Variants in LEKR1 observed in about 807,000 individuals in gnomAD.
LEKR1 encodes the protein leucine, glutamate and lysine rich 1.
In LEKR1, 59 loss-of-function variants were observed where a neutral mutation model predicts 72.4. That is an observed-to-expected ratio of 0.82 (90% CI 0.66 to 1.01). The LOEUF (loss-of-function observed/expected upper bound fraction) is 1.01. LEKR1 is among the 50% of genes least tolerant of loss of function. LEKR1 has a pLI of 0.00. For missense variants in LEKR1, 728 were observed against 759.2 expected (o/e 0.96, Z 0.48); for synonymous variants, 257 against 263.2 (o/e 0.98, Z 0.23).
chr3:156,970,387 G>A (rs575087120), intron 6 of LEKR1, among the ~76,000 whole-genome samples: 2 of 152,148 alleles, frequency 1.3e-5, no homozygotes, highest in African/African-American at 4.8e-5. Context: ...TGGTGTTTTG[G>A]ACATGAAGTC....
At chr3:156,964,745 T>A (rs975875557) in intron 6 of LEKR1, among the ~76,000 whole-genome samples, 1 of 152,196 alleles carries the variant, frequency 6.6e-6, no homozygotes, top group Non-Finnish European at 1.5e-5. Context: ...TAGCCCTGCG[T>A]ACAGGAATCT....
chr3:156,958,076 G>T (rs1172939199), intron 6 of LEKR1, among the ~76,000 whole-genome samples: 19 of 152,138 alleles, frequency 1.2e-4, no homozygotes, highest in Non-Finnish European at 4.4e-5. Context: ...GAAGTGGACA[G>T]GATTATTAGC....
At chr3:156,963,886 A>G (rs188282061) in intron 6 of LEKR1, among the ~76,000 whole-genome samples, 1 of 152,304 alleles carries the variant, frequency 6.6e-6, no homozygotes, top group East Asian at 1.9e-4. Flanking sequence ...ATACATTGTT[A>G]TCATTAATGT....
intron 9 of LEKR1, among the ~76,000 whole-genome samples, chr3:157,007,227 T>C (rs1436700705): frequency 2.6e-5 from 4 of 151,566 alleles, no homozygotes; most frequent in African/African-American, 4.9e-5. Context: ...AATAAATAAA[T>C]AAACAAACAA....
chr3:156,849,928 A>T (rs1418582199), intron 2 of LEKR1, among the ~76,000 whole-genome samples: 1 of 152,236 alleles, frequency 6.6e-6, no homozygotes, highest in East Asian at 1.9e-4. Flanking sequence ...TAAACTAAAG[A>T]TCTTCTGCAC....
At chr3:157,009,758 T>C (rs1264747570) in intron 9 of LEKR1, among the ~76,000 whole-genome samples, 1 of 152,102 alleles carries the variant, frequency 6.6e-6, no homozygotes, top group Non-Finnish European at 1.5e-5. Context: ...ATTCTACCAC[T>C]AAGGTGTGGA....
At chr3:156,889,661 A>C (rs765964255) in intron 3 of LEKR1, among the ~76,000 whole-genome samples, 1 of 152,194 alleles carries the variant, frequency 6.6e-6, no homozygotes, top group Non-Finnish European at 1.5e-5. Flanking sequence ...ATATGTGTAA[A>C]GTTAATCTCC....
At position 156,934,683 on chromosome 3, in the gene LEKR1, T is replaced by C. The variant is rs569152216; in HGVS notation, c.559+7079T>C. Among the ~76,000 whole-genome samples the C allele has an allele frequency of 3.3e-5, 5 of 152,130 alleles. No individual in the cohort carries two copies. The South Asian group carries it at 1.0e-3, about 32-fold the overall frequency. ...ATAAAACAACCTCAATATAAAAACA[T>C]AGAAAATACAGAAAAGGGGCAAAAA... On this transcript the variant is annotated intron_variant, in intron 5 of 12. Transcript: ENST00000356539.
At chr3:156,998,262 C>T (rs1871969) in intron 9 of LEKR1, among the ~76,000 whole-genome samples, 2,852 of 151,986 alleles carry the variant, frequency 0.019, 68 homozygotes, top group East Asian at 0.1. Context: ...TAATTCCATC[C>T]TTAGGGAAAA....
intron 7 of LEKR1, among the ~76,000 whole-genome samples, chr3:156,989,761 G>C (rs986658641): frequency 6.6e-6 from 1 of 151,742 alleles, no homozygotes; most frequent in African/African-American, 2.4e-5. Context: ...TAACTCATTT[G>C]CTTTCTCTCT....
chr3:156,935,597 A>G (rs1282084130), intron 5 of LEKR1, among the ~76,000 whole-genome samples: 1 of 152,174 alleles, frequency 6.6e-6, no homozygotes, highest in African/African-American at 2.4e-5. Flanking sequence ...TTAAGTATAG[A>G]AAAAAATAAA....
chr3:157,020,693 G>C (rs1035286705), intron 10 of LEKR1, among the ~76,000 whole-genome samples: 13 of 151,904 alleles, frequency 8.6e-5, no homozygotes, highest in African/African-American at 3.1e-4. Flanking sequence ...GGACATTTGG[G>C]TTGGTTCCAT....
chr3:156,868,755 A>G (rs6765353), intron 3 of LEKR1, among the ~76,000 whole-genome samples: 128,261 of 151,976 alleles, frequency 0.84, 54,300 homozygotes, highest in African/African-American at 0.91. Flanking sequence ...AACTAGAGTC[A>G]CCTAACTCTG....
At chr3:156,873,583 A>T (rs1187484773) in intron 3 of LEKR1, among the ~76,000 whole-genome samples, 2 of 151,414 alleles carry the variant, frequency 1.3e-5, no homozygotes, top group Non-Finnish European at 1.5e-5. Flanking sequence ...TTGCTCTACC[A>T]GTGGTTTTTA....
intron 2 of LEKR1, among the ~76,000 whole-genome samples, chr3:156,833,847 A>G (rs1002335722): frequency 6.6e-6 from 1 of 152,080 alleles, no homozygotes; most frequent in African/African-American, 2.4e-5. Context: ...GCAAAAACCT[A>G]AACAGCATAC....
Position 157,045,993 on chromosome 3 carries a change from G to A in LEKR1, c.*243G>A, listed in dbSNP as rs751613495. 58 of 452,612 alleles carry A rather than the reference G, an allele frequency of 1.3e-4. No homozygotes were observed. Among genetic ancestry groups the A allele is most frequent in the Non-Finnish European group, 1.9e-4 (50 of 256,452 alleles). 28.0% of individuals were successfully genotyped at this position (452,612 alleles called of 1,614,324 possible). A position where few individuals can be genotyped will look rare whatever the true frequency, so the allele number is the denominator to read the frequency against. ...GGTATTCCAGAGGTCCGATTTCTAT[G>A]TTTATGTTGGAATGTGCTCTATGAA... On this transcript the variant is annotated 3_prime_UTR_variant, in exon 13 of 13. Coordinates refer to ENST00000356539, the MANE Select transcript of LEKR1 (RefSeq NM_001004316.3).
intron 3 of LEKR1, among the ~76,000 whole-genome samples, chr3:156,893,342 A>G (rs970516571): frequency 1.3e-5 from 2 of 152,210 alleles, no homozygotes; most frequent in African/African-American, 2.4e-5. Context: ...ATTTGGTTGT[A>G]TCTGTGTATA....
chr3:156,922,957 C>T (rs1459787246), intron 4 of LEKR1, among the ~76,000 whole-genome samples: 1 of 152,090 alleles, frequency 6.6e-6, no homozygotes, highest in Non-Finnish European at 1.5e-5. Flanking sequence ...TAAAGCTAGA[C>T]CTTATCATCT....
At chr3:156,896,373 AAAT>A (rs1427786201) in intron 3 of LEKR1, among the ~76,000 whole-genome samples, 6 of 152,294 alleles carry the variant, frequency 3.9e-5, no homozygotes, top group African/African-American at 7.2e-5. Flanking sequence ...AAAAAATAAT[AAAT>A]AAAATGGGCA....
Sources: gnomAD v4.1 joint callset for allele counts (sites outside exome capture counted in the v4.1 genomes callset) on GRCh38, gnomAD v4.1.1 for gene constraint, MANE v1.5 for transcripts, NCBI Gene and HGNC (gene_info 2026-07-23, HGNC 2026-07-21) for gene names.